The following ECPAS variants were observed in gnomAD, a reference collection of about 807,000 sequenced individuals.
ECPAS encodes the protein proteasome adapter and scaffold protein ECM29.
Under a neutral mutation model 255.1 loss-of-function variants are expected in ECPAS, and 70 were observed. The ratio of observed to expected loss-of-function variants is 0.27; its 90% CI spans 0.23 to 0.33. ECPAS has a LOEUF of 0.33. ECPAS is among the 10% of genes least tolerant of loss of function. The pLI is 1.00. For missense variants in ECPAS, 1,817 were observed against 2,206.4 expected (o/e 0.82, Z 3.54); for synonymous variants, 784 against 775.0 (o/e 1.01, Z -0.19).
intron 1 of ECPAS, among the ~76,000 whole-genome samples, chr9:111,474,154 G>C (rs1030755465): frequency 1.3e-5 from 2 of 152,102 alleles, no homozygotes; most frequent in Non-Finnish European, 2.9e-5. Flanking sequence ...CAGTCTCCCT[G>C]AACAACATGG....
chr9:111,460,022 T>C (rs1164229046), intron 2 of ECPAS, among the ~76,000 whole-genome samples: 1 of 152,152 alleles, frequency 6.6e-6, no homozygotes, highest in Non-Finnish European at 1.5e-5. Flanking sequence ...CTCATGAATA[T>C]AGACGCAAAT....
At chr9:111,375,389 A>C (rs1018754188) in intron 37 of ECPAS, among the ~76,000 whole-genome samples, 187 bp from the exon 38 acceptor site, 5 of 152,226 alleles carry the variant, frequency 3.3e-5, no homozygotes, top group Admixed American at 1.3e-4. Context: ...AAAATTATTC[A>C]TCAGTGATTC....
At chr9:111,409,458 G>C (rs556032336) in intron 23 of ECPAS, among the ~76,000 whole-genome samples, 22 of 152,130 alleles carry the variant, frequency 1.4e-4, no homozygotes, top group African/African-American at 5.3e-4. Context: ...TACTCAGGAG[G>C]CTGAGGCAGG....
intron 2 of ECPAS, among the ~76,000 whole-genome samples, chr9:111,471,867 C>T (rs1214229831): frequency 3.3e-5 from 5 of 152,212 alleles, no homozygotes; most frequent in Non-Finnish European, 5.9e-5. Flanking sequence ...CTTTGGGGGG[C>T]CCAGGTAGGA....
At chr9:111,459,632 C>G (rs2098270866) in intron 2 of ECPAS, among the ~76,000 whole-genome samples, 1 of 152,070 alleles carries the variant, frequency 6.6e-6, no homozygotes, top group African/African-American at 2.4e-5. Context: ...GACAATACCT[C>G]AGAGACACAA....
In ECPAS at chr9:111,472,963, C is replaced by T. The variant is rs1060933; in HGVS notation, c.-45G>A. The T allele has an allele frequency of 3.5e-5, 43 of 1,224,696 alleles. No homozygotes were observed. Among genetic ancestry groups the T allele is most frequent in the African/African-American group, 2.9e-4 (18 of 61,872 alleles). The allele number at this position is 1,224,696 out of a possible 1,614,324, so 75.9% of individuals were successfully genotyped here. A position where few individuals can be genotyped will look rare whatever the true frequency, so the allele number is the denominator to read the frequency against. On this transcript the variant is annotated 5_prime_UTR_variant, in exon 2 of 50. Coordinates refer to ENST00000684092, the MANE Select transcript of ECPAS (RefSeq NM_001364929.1). The stretch of plus-strand genomic sequence containing the variant: ...AAAATCCTCGGGATCACCAATGGTA[C>T]GTTCATCCACTCGTACATATGCAAT...
At chr9:111,415,030 T>C (rs928913987) in intron 18 of ECPAS, among the ~76,000 whole-genome samples, 3 of 151,960 alleles carry the variant, frequency 2.0e-5, no homozygotes, top group South Asian at 2.1e-4. Flanking sequence ...TGGGGTATAC[T>C]TGAGGAGAGA....
At chr9:111,413,030 T>C (rs2098197140) in intron 20 of ECPAS, among the ~76,000 whole-genome samples, 1 of 152,192 alleles carries the variant, frequency 6.6e-6, no homozygotes, top group Non-Finnish European at 1.5e-5. Flanking sequence ...TTTCCAAACC[T>C]GGCATCCCTT....
intron 48 of ECPAS, chr9:111,365,941 T>C (rs566268158): frequency 5.8e-6 from 2 of 343,212 alleles, no homozygotes; most frequent in South Asian, 4.3e-5. Context: ...TGTATACATA[T>C]TGCAGAGTAT....
intron 42 of ECPAS, 141 bp from the exon 43 acceptor site, chr9:111,371,970 G>C: frequency 1.5e-6 from 1 of 671,916 alleles, no homozygotes; most frequent in Non-Finnish European, 2.5e-6. Flanking sequence ...CAAAGGGAGA[G>C]AAAGTGTGTT....
At chr9:111,403,446 A>G (rs1224727481) in intron 24 of ECPAS, among the ~76,000 whole-genome samples, 1 of 136,868 alleles carries the variant, frequency 7.3e-6, no homozygotes, top group Non-Finnish European at 1.5e-5. Flanking sequence ...ATGAAAACCA[A>G]AAAAGAATAG....
intron 36 of ECPAS, among the ~76,000 whole-genome samples, chr9:111,378,094 C>T (rs2098135665): frequency 1.3e-5 from 2 of 151,548 alleles, no homozygotes; most frequent in African/African-American, 4.9e-5. Context: ...TGCAGTGAGC[C>T]GAGATGGTGC....
intron 24 of ECPAS, among the ~76,000 whole-genome samples, chr9:111,407,758 T>C (rs1477767464): frequency 6.6e-6 from 1 of 152,220 alleles, no homozygotes; most frequent in Non-Finnish European, 1.5e-5. Context: ...CTGCCTTACA[T>C]GCAAATGTCT....
intron 10 of ECPAS, 45 bp downstream of exon 10, chr9:111,427,997 T>G: frequency 6.3e-7 from 1 of 1,580,848 alleles, no homozygotes; most frequent in South Asian, 1.2e-5. Context: ...TAAATAGACA[T>G]AAAAGTTGCA....
intron 17 of ECPAS, 95 bp from the exon 18 acceptor site, chr9:111,416,447 G>T: frequency 1.2e-6 from 1 of 868,368 alleles, no homozygotes; most frequent in Non-Finnish European, 1.9e-6. Context: ...CTAGCTACAT[G>T]TCCTAAGTTT....
intron 49 of ECPAS, among the ~76,000 whole-genome samples, chr9:111,362,402 T>C (rs945443056): frequency 4.6e-5 from 7 of 152,070 alleles, no homozygotes; most frequent in Non-Finnish European, 7.4e-5. Context: ...ATCAGGGAGT[T>C]TCCTCTCCTT....
intron 7 of ECPAS, among the ~76,000 whole-genome samples, chr9:111,433,870 T>C (rs913467845): frequency 3.9e-5 from 6 of 152,226 alleles, no homozygotes; most frequent in Non-Finnish European, 2.9e-5. Flanking sequence ...TTTCACTCTA[T>C]TGCTTACATA....
At chr9:111,390,755 A>C (rs1303031369) in intron 29 of ECPAS, among the ~76,000 whole-genome samples, 1 of 152,246 alleles carries the variant, frequency 6.6e-6, no homozygotes, top group East Asian at 1.9e-4. Context: ...CCCTGCAACC[A>C]GCAAAGATTT....
intron 24 of ECPAS, among the ~76,000 whole-genome samples, chr9:111,405,416 T>C (rs1232056711): frequency 6.7e-6 from 1 of 149,702 alleles, no homozygotes; most frequent in Non-Finnish European, 1.5e-5. Flanking sequence ...CAAAATGGAC[T>C]TAAATCTAAG....
Sources: allele counts gnomAD v4.1 joint callset (sites outside exome capture counted in the v4.1 genomes callset), GRCh38; gene constraint gnomAD v4.1.1; transcripts MANE v1.5; gene names NCBI Gene and HGNC (gene_info 2026-07-23, HGNC 2026-07-21).